PLCXD3: variants seen among roughly 807,000 people sequenced by gnomAD.
PLCXD3 encodes the protein phosphatidylinositol specific phospholipase C X domain containing 3, also known as PI-PLC X domain-containing protein 3.
Under a neutral mutation model 25.5 loss-of-function variants are expected in PLCXD3, and 19 were observed. The observed-to-expected ratio is 0.75, with a 90% confidence interval of 0.52 to 1.09. The LOEUF is 1.09. Among genes scored for constraint, PLCXD3 ranks in the 50% least tolerant of loss-of-function variants. The probability of loss-of-function intolerance (pLI) is 0.00; values close to 1 mark genes in which losing one functional copy is unlikely to be tolerated. For synonymous variants in PLCXD3, 174 were observed against 137.6 expected, an observed-to-expected ratio of 1.26 and a Z score of -1.85; for missense variants, 411 against 388.1, an observed-to-expected ratio of 1.06 and a Z score of -0.50.
In PLCXD3 at chr5:41,381,982, G is replaced by T; in HGVS notation, c.656C>A (p.Thr219Asn). The T allele has an allele frequency of 1.9e-6, 3 of 1,613,486 alleles. No individual in the cohort carries two copies. Among genetic ancestry groups the T allele is most frequent in the African/African-American group, 1.3e-5 (1 of 74,994 alleles). ...GQMMPAPWANTTDPEKLIQFL... is the reference protein window; with the variant it reads ...GQMMPAPWANNTDPEKLIQFL... ...CTGGATCAGTTTCTCGGGGTCTGTG[G>T]TGTTGGCCCAGGGTGCTGGCATCAT... The change falls in exon 2 of 3, where the codon ACC becomes AAC. Residue 219 changes from threonine to asparagine, a missense_variant. Transcript: ENST00000377801.
chr5:41,411,896 A>C (rs1415028584), intron 1 of PLCXD3, among the ~76,000 whole-genome samples: 1 of 5,182 alleles, frequency 1.9e-4, no homozygotes. Context: ...ATCCATATAT[A>C]TATCTCCATA....
At chr5:41,361,505 A>G (rs1467121937) in intron 2 of PLCXD3, among the ~76,000 whole-genome samples, 1 of 152,200 alleles carries the variant, frequency 6.6e-6, no homozygotes, top group Admixed American at 6.5e-5. Flanking sequence ...TGCTCCATTC[A>G]TCCCTGCAGG....
chr5:41,439,870 A>G (rs1484209978), intron 1 of PLCXD3, among the ~76,000 whole-genome samples: 1 of 152,194 alleles, frequency 6.6e-6, no homozygotes, highest in Non-Finnish European at 1.5e-5. Flanking sequence ...CAAATGAACT[A>G]TATTCAACTG....
chr5:41,490,568 A>C (rs1371921823), intron 1 of PLCXD3, among the ~76,000 whole-genome samples: 1 of 152,060 alleles, frequency 6.6e-6, no homozygotes, highest in Non-Finnish European at 1.5e-5. Flanking sequence ...CTGGTCCTGG[A>C]CTATTTTTGT....
chr5:41,503,980 T>C (rs891035044), intron 1 of PLCXD3, among the ~76,000 whole-genome samples: 2 of 129,412 alleles, frequency 1.5e-5, no homozygotes, highest in African/African-American at 3.7e-5. Flanking sequence ...TGTGTGTGTG[T>C]GTGCACTTGT....
At position 41,402,245 on chromosome 5, in the gene PLCXD3, T is replaced by C. The variant is rs551716973; in HGVS notation, c.104-19711A>G. Reference sequence around the variant, plus strand: ...TAATGATAGCTTTTTCTCTAAGTACTGCTTTAGCTACATCTCAGAAATTCT... The same window carrying C: ...TAATGATAGCTTTTTCTCTAAGTACCGCTTTAGCTACATCTCAGAAATTCT... On this transcript the variant is annotated intron_variant, in intron 1 of 2. Transcript: ENST00000377801. 3.7e-4 allele frequency among the ~76,000 whole-genome samples: 56 copies of C among 151,952 alleles called. No individual in the cohort carries two copies. In the East Asian group the frequency reaches 7.1e-3, roughly 19 times the overall value.
At chr5:41,495,225 C>A (rs1235001941) in intron 1 of PLCXD3, among the ~76,000 whole-genome samples, 2 of 152,218 alleles carry the variant, frequency 1.3e-5, no homozygotes. Context: ...GCACGTCCAA[C>A]ATTCTGACTT....
At chr5:41,474,381 A>G (rs566316832) in intron 1 of PLCXD3, among the ~76,000 whole-genome samples, 1 of 152,338 alleles carries the variant, frequency 6.6e-6, no homozygotes, top group Admixed American at 6.5e-5. Flanking sequence ...CAGTTTGCCA[A>G]CATTCTGCAT....
chr5:41,477,780 T>G (rs1331487073), intron 1 of PLCXD3, among the ~76,000 whole-genome samples: 1 of 152,198 alleles, frequency 6.6e-6, no homozygotes, highest in South Asian at 2.1e-4. Flanking sequence ...ATACCCTGCT[T>G]TCATCAGATT....
At chr5:41,480,038 G>T (rs562545897) in intron 1 of PLCXD3, among the ~76,000 whole-genome samples, 1 of 152,202 alleles carries the variant, frequency 6.6e-6, no homozygotes, top group East Asian at 1.9e-4. Context: ...AAATGCATTT[G>T]TTATGATTAT....
At chr5:41,352,664 T>C (rs1479591896) in intron 2 of PLCXD3, among the ~76,000 whole-genome samples, 1 of 152,246 alleles carries the variant, frequency 6.6e-6, no homozygotes, top group Non-Finnish European at 1.5e-5. Flanking sequence ...TTTTAAGACC[T>C]AGTTGTCTTA....
At chr5:41,505,577 AAG>A (rs1749037145) in intron 1 of PLCXD3, among the ~76,000 whole-genome samples, 1 of 152,224 alleles carries the variant, frequency 6.6e-6, no homozygotes, top group Admixed American at 6.5e-5. Context: ...GTGCACCACA[AAG>A]AGTGACTTAA....
At chr5:41,420,688 A>G (rs1746798095) in intron 1 of PLCXD3, among the ~76,000 whole-genome samples, 1 of 152,190 alleles carries the variant, frequency 6.6e-6, no homozygotes, top group Non-Finnish European at 1.5e-5. Context: ...ATGCTTGCAG[A>G]GAGAATTTAT....
rs1380685291 is a variant in PLCXD3 at position 41,411,833 on chromosome 5, CAT to C, written c.104-29301_104-29300del. Among the ~76,000 whole-genome samples the C allele has an allele frequency of 3.0e-5, 4 of 135,004 alleles. No individual in the cohort carries two copies. The South Asian group carries it at 9.6e-4, about 32-fold the overall frequency. The allele number at this position is 135,004 out of a possible 152,430, so 88.6% of individuals were successfully genotyped here. A position where few individuals can be genotyped will look rare whatever the true frequency, so the allele number is the denominator to read the frequency against. On this transcript the variant is annotated intron_variant, in intron 1 of 2. Transcript: ENST00000377801. Reference sequence around the variant, plus strand: ...ATATATATATGTCCATATTGATATCCATATATATATCTCCATATATATGTATC... The same window carrying C: ...ATATATATATGTCCATATTGATATCCATATATATCTCCATATATATGTATC...
At chr5:41,334,085 T>A (rs1277582691) in intron 2 of PLCXD3, among the ~76,000 whole-genome samples, 4 of 152,200 alleles carry the variant, frequency 2.6e-5, no homozygotes, top group Non-Finnish European at 5.9e-5. Flanking sequence ...CTGAGAGATT[T>A]ATTTTTAAAA....
In PLCXD3 at chr5:41,312,654, C is replaced by T. The variant is rs1036364885; in HGVS notation, c.*963G>A. Reference sequence around the variant, plus strand: ...TCCTTCTGTCCTTCCCTCCCTTCTTCCCTCCCTTCCTCCCTCCCTTCCTTT... The same window carrying T: ...TCCTTCTGTCCTTCCCTCCCTTCTTTCCTCCCTTCCTCCCTCCCTTCCTTT... On this transcript the variant is annotated 3_prime_UTR_variant, in exon 3 of 3. Transcript: ENST00000377801. The T allele has an allele frequency of 1.1e-4, 15 of 132,530 alleles. No individual in the cohort carries two copies. The highest frequency in any genetic ancestry group is 2.2e-4 in the Non-Finnish European group (14 of 62,832). The allele number at this position is 132,530 out of a possible 1,614,324, so 8.2% of individuals were successfully genotyped here. A position where few individuals can be genotyped will look rare whatever the true frequency, so the allele number is the denominator to read the frequency against.
intron 1 of PLCXD3, among the ~76,000 whole-genome samples, chr5:41,421,381 C>T (rs954960046): frequency 7.9e-5 from 12 of 152,048 alleles, no homozygotes; most frequent in Non-Finnish European, 7.4e-5. Context: ...AGTATTATTC[C>T]GTTAGATGTT....
At chr5:41,453,087 G>A (rs548952986) in intron 1 of PLCXD3, among the ~76,000 whole-genome samples, 4 of 151,952 alleles carry the variant, frequency 2.6e-5, no homozygotes, top group African/African-American at 9.6e-5. Context: ...TCACCATGTT[G>A]TACAATAGAT....
chr5:41,442,452 C>T (rs1747406022), intron 1 of PLCXD3, among the ~76,000 whole-genome samples: 2 of 152,078 alleles, frequency 1.3e-5, no homozygotes, highest in Admixed American at 6.5e-5. Context: ...CTAACCTGCC[C>T]CAAACACCAC....
Sources: allele counts gnomAD v4.1 joint callset (sites outside exome capture counted in the v4.1 genomes callset), GRCh38; gene constraint gnomAD v4.1.1; transcripts MANE v1.5; gene names NCBI Gene and HGNC (gene_info 2026-07-23, HGNC 2026-07-21).